The following PCK1 variants were observed in gnomAD, a reference collection of about 807,000 sequenced individuals.
PCK1 encodes the protein phosphoenolpyruvate carboxykinase 1, also known as phosphoenolpyruvate carboxykinase, cytosolic [GTP].
PCK1 carries 44 observed loss-of-function variants against 50.3 expected under a neutral mutation model. That is an observed-to-expected ratio of 0.87 (90% CI 0.69 to 1.12). The LOEUF is 1.12. Among genes scored for constraint, PCK1 ranks in the 50% most tolerant of loss-of-function variants. The pLI is 0.00. For missense variants in PCK1, 790 were observed against 815.0 expected (o/e 0.97, Z 0.37); for synonymous variants, 332 against 314.3 (o/e 1.06, Z -0.59).
At position 57,564,564 on chromosome 20, in the gene PCK1, G is replaced by C. The variant is rs773063581; in HGVS notation, c.1269G>C (p.Pro423=). 1 of 1,613,030 alleles carries C rather than the reference G, an allele frequency of 6.2e-7. No individual in the cohort carries two copies. Among genetic ancestry groups the C allele is most frequent in the Admixed American group, 1.7e-5 (1 of 59,968 alleles). The part of the protein sequence containing the change: ...CPIIDAAWES[P]EGVPIEGIIF... ...TCATTGATGCTGCCTGGGAGTCTCC[G>C]GAAGGTGTTCCCATTGAAGGCATTA... Residue 423 remains proline (P), a synonymous_variant, in exon 8 of 10, where the codon CCG becomes CCC. Coordinates refer to ENST00000319441, the MANE Select transcript of PCK1 (RefSeq NM_002591.4).
In PCK1 at chr20:57,567,247, C is replaced by T. The variant is rs575648098; in HGVS notation, c.*1443C>T. On this transcript the variant is annotated 3_prime_UTR_variant, in exon 10 of 10. Coordinates refer to ENST00000319441, the MANE Select transcript of PCK1 (RefSeq NM_002591.4). ...GTTCTTATGTCACACTCCACCCCTC[C>T]AGTCTCCTCAACTGGAAAACTTGCC... 6.6e-6 allele frequency: 1 copy of T among 152,348 alleles called. No homozygotes were observed. Among genetic ancestry groups the T allele is most frequent in the Middle Eastern group, 3.4e-3 (1 of 294 alleles). 9.4% of individuals were successfully genotyped at this position (152,348 alleles called of 1,614,324 possible).
At chr20:57,563,826 T>C (rs2070176948) in intron 6 of PCK1, 99 bp downstream of exon 6, 1 of 1,013,040 alleles carries the variant, frequency 9.9e-7, no homozygotes, top group Admixed American at 2.4e-5. Flanking sequence ...GTTTGGATTT[T>C]TAAACTCTGT....
In PCK1 at chr20:57,562,844, C is replaced by A. The variant is rs1285442437; in HGVS notation, c.555C>A (p.Gly185=). The A allele has an allele frequency of 6.2e-7, 1 of 1,613,712 alleles. No homozygotes were observed. The highest frequency in any genetic ancestry group is 2.2e-5 in the East Asian group (1 of 44,890). ...RMGTPVLEAV[G]DGEFVKCLHS... is the part of the protein sequence containing the mutation. ...GCACGCCCGTCCTGGAAGCAGTGGG[C>A]GATGGGGAGTTTGTCAAATGCCTCC... Residue 185 remains glycine (G), a synonymous_variant, in exon 4 of 10, where the codon GGC becomes GGA. Transcript: ENST00000319441.
intron 3 of PCK1, 90 bp downstream of exon 3, chr20:57,562,342 A>G: frequency 1.8e-6 from 2 of 1,102,376 alleles, no homozygotes; most frequent in Non-Finnish European, 2.6e-6. Flanking sequence ...CAATAATGGA[A>G]GCTCCCACCA....
In PCK1 at chr20:57,562,095, G is replaced by A; in HGVS notation, c.249G>A (p.Arg83=). 1.2e-6 allele frequency: 2 copies of A among 1,614,184 alleles called. No individual in the cohort carries two copies. The highest frequency in any genetic ancestry group is 1.7e-6 in the Non-Finnish European group (2 of 1,180,034). ...DNCWLALTDP[R]DVARIESKTV... ...GCTGGTTGGCTCTCACTGACCCCAG[G>A]GATGTGGCCAGGATCGAAAGCAAGA... Residue 83 remains arginine, a synonymous_variant, in exon 3 of 10, where the codon AGG becomes AGA. Coordinates refer to ENST00000319441, the MANE Select transcript of PCK1 (RefSeq NM_002591.4).
Position 57,566,748 on chromosome 20 carries a change from G to A in PCK1, c.*944G>A, listed in dbSNP as rs2070208446. On this transcript the variant is annotated 3_prime_UTR_variant, in exon 10 of 10. Coordinates refer to ENST00000319441, the MANE Select transcript of PCK1 (RefSeq NM_002591.4). ...TGAGGCTTATGTGGCAGGACTGGGA[G>A]GGTTTAATGCATGCTTTTTGACAGT... is the stretch of plus-strand genomic sequence containing the variant. The A allele has an allele frequency of 1.3e-5, 2 of 152,206 alleles. No homozygotes were observed. The highest frequency in any genetic ancestry group is 4.1e-4 in the South Asian group (2 of 4,828). The allele number at this position is 152,206 out of a possible 1,614,324, so 9.4% of individuals were successfully genotyped here. A position where few individuals can be genotyped will look rare whatever the true frequency, so the allele number is the denominator to read the frequency against.
intron 3 of PCK1, 35 bp downstream of exon 3, chr20:57,562,287 CA>C (rs1200613329): frequency 1.3e-6 from 2 of 1,559,638 alleles, no homozygotes; most frequent in Admixed American, 3.4e-5. Flanking sequence ...GGTAAAACAG[CA>C]GAGAGCCTTT....
chr20:57,563,125 CG>C lies in PCK1; in HGVS notation c.711del (p.Asn238ThrfsTer29). The C allele has an allele frequency of 6.2e-7, 1 of 1,613,894 alleles. No homozygotes were observed. Among genetic ancestry groups the C allele is most frequent in the Non-Finnish European group, 8.5e-7 (1 of 1,180,000 alleles). Reference protein sequence around the residue: ...EIISFGSGYGGNSLLGKKCFA... With the variant: ...EIISFGSGYGXNSLLGKKCFA... ...TCATCTCCTTTGGCAGTGGGTACGG[CG>C]GGAACTCGCTGCTCGGGAAGAAGTG... On this transcript the variant is annotated frameshift_variant, in exon 5 of 10. Transcript: ENST00000319441. LOFTEE classifies it high-confidence loss of function.
rs574426927 is a variant in PCK1, at chr20:57,564,213, G to A, written c.1006G>A (p.Ala336Thr). Residue 336 changes from alanine (A) to threonine (T), a missense_variant, in exon 7 of 10, where the codon GCT (alanine) becomes ACT (threonine). Coordinates refer to ENST00000319441, the MANE Select transcript of PCK1 (RefSeq NM_002591.4). ...CCCAGAAAATGGCTTTTTCGGTGTC[G>A]CTCCTGGGACTTCAGTGAAGACCAA... Reference protein sequence around the residue: ...INPENGFFGVAPGTSVKTNPN... With the variant: ...INPENGFFGVTPGTSVKTNPN... 1.1e-5 allele frequency: 17 copies of A among 1,613,658 alleles called. No individual in the cohort carries two copies. In the South Asian group the frequency reaches 1.1e-4, roughly 10 times the overall value.
In PCK1 at chr20:57,563,588, G is replaced by A. The variant is rs1239857288; in HGVS notation, c.822G>A (p.Glu274=). ...HMLILGITNP[E]GEKKYLAAAF... is the part of the protein sequence containing the mutation. ...AGATTCTGGGTATAACCAACCCTGA[G>A]GGTGAGAAGAAGTACCTGGCGGCCG... The change falls in exon 6 of 10, where the codon GAG becomes GAA. Residue 274 remains glutamate, a synonymous_variant. Transcript: ENST00000319441. 6.2e-7 allele frequency: 1 copy of A among 1,610,774 alleles called. No individual in the cohort carries two copies. Among genetic ancestry groups the A allele is most frequent in the African/African-American group, 1.3e-5 (1 of 74,904 alleles).
rs990720064 is a variant in PCK1 at position 57,566,092 on chromosome 20, G to GT, written c.*294dup. 2 of 364,284 alleles carry GT rather than the reference G, an allele frequency of 5.5e-6. No homozygotes were observed. The highest frequency in any genetic ancestry group is 5.2e-5 in the East Asian group (1 of 19,172). The allele number at this position is 364,284 out of a possible 1,614,324, so 22.6% of individuals were successfully genotyped here. On this transcript the variant is annotated 3_prime_UTR_variant, in exon 10 of 10. Transcript: ENST00000319441. Reference sequence around the variant, plus strand: ...TTACTCAGGCATTGATCTTTTCAGTGTTTTTTCACTTTAGCTATGTGGATT... The same window carrying GT: ...TTACTCAGGCATTGATCTTTTCAGTGTTTTTTTCACTTTAGCTATGTGGATT...
rs773381529 is a variant in PCK1, at chr20:57,565,560, A to G, written c.1625A>G (p.Asn542Ser). The G allele has an allele frequency of 3.1e-6, 5 of 1,614,156 alleles. No individual in the cohort carries two copies. Among genetic ancestry groups the G allele is most frequent in the Admixed American group, 3.3e-5 (2 of 60,022 alleles). The change falls in exon 10 of 10, where the codon AAC (asparagine) becomes AGC (serine). Residue 542 changes from asparagine (N) to serine (S), a missense_variant. Asn to Ser is a conservative substitution (Grantham distance 46). Coordinates refer to ENST00000319441, the MANE Select transcript of PCK1 (RefSeq NM_002591.4). ...ENSRVLEWMF[N>S]RIDGKASTKL... Reference sequence around the variant, plus strand: ...TCCAGGGTGCTGGAGTGGATGTTCAACCGGATCGATGGAAAAGCCAGCACC... The same window carrying G: ...TCCAGGGTGCTGGAGTGGATGTTCAGCCGGATCGATGGAAAAGCCAGCACC...
rs767446122 is a variant in PCK1, at chr20:57,565,447, A to T, written c.1512A>T (p.Pro504=). 39 of 1,614,192 alleles carry T rather than the reference A, an allele frequency of 2.4e-5. No homozygotes were observed. Among genetic ancestry groups the T allele is most frequent in the Non-Finnish European group, 2.7e-5 (32 of 1,180,010 alleles). The change falls in exon 10 of 10, where the codon CCA becomes CCT. Residue 504 remains proline, a synonymous_variant. Coordinates refer to ENST00000319441, the MANE Select transcript of PCK1 (RefSeq NM_002591.4). ...ACTGGCTTAGCATGGCCCAGCACCCAGCAGCCAAACTGCCCAAGATCTTCC... is the reference window on the plus strand; with the variant it reads ...ACTGGCTTAGCATGGCCCAGCACCCTGCAGCCAAACTGCCCAAGATCTTCC... ...LAHWLSMAQH[P]AAKLPKIFHV...
rs2070180709 is a variant in PCK1, at chr20:57,564,262, A to T, written c.1055A>T (p.Gln352Leu). Residue 352 changes from glutamine (Q) to leucine (L), a missense_variant, in exon 7 of 10, where the codon CAG becomes CTG. By Grantham distance (113) the Gln-to-Leu change is moderately radical. Coordinates refer to ENST00000319441, the MANE Select transcript of PCK1 (RefSeq NM_002591.4). ...KTNPNAIKTIQKNTIFTNVAE... is the reference protein window; with the variant it reads ...KTNPNAIKTILKNTIFTNVAE... ...AACCCCAATGCCATCAAGACCATCC[A>T]GAAGAACACAATCTTTACCAATGTG... 1 of 1,614,032 alleles carries T rather than the reference A, an allele frequency of 6.2e-7. No individual in the cohort carries two copies. The highest frequency in any genetic ancestry group is 1.3e-5 in the African/African-American group (1 of 74,904).
chr20:57,562,587 G>A (rs2146527225), intron 3 of PCK1, 109 bp from the exon 4 acceptor site: 1 of 846,784 alleles, frequency 1.2e-6, no homozygotes, highest in African/African-American at 1.7e-5. Context: ...GCAGGGTGTG[G>A]TGGTGTTAGT....
In PCK1 at chr20:57,562,826, C is replaced by G. The variant is rs767045677; in HGVS notation, c.537C>G (p.Pro179=). The change falls in exon 4 of 10, where the codon CCC becomes CCG. Residue 179 remains proline (P), a synonymous_variant. Transcript: ENST00000319441. ...SMRIMTRMGT[P]VLEAVGDGEF... is the part of the protein sequence containing the mutation. ...GGATCATGACGCGGATGGGCACGCC[C>G]GTCCTGGAAGCAGTGGGCGATGGGG... The G allele has an allele frequency of 6.2e-7, 1 of 1,613,914 alleles. No individual in the cohort carries two copies. Among genetic ancestry groups the G allele is most frequent in the Non-Finnish European group, 8.5e-7 (1 of 1,179,848 alleles).
intron 2 of PCK1, 33 bp downstream of exon 2, chr20:57,561,668 C>T (rs1175824704): frequency 3.6e-5 from 52 of 1,460,678 alleles, no homozygotes; most frequent in Non-Finnish European, 5.0e-5. Flanking sequence ...GTCCCAGCAC[C>T]CTGCAGGCAG....
rs763513290 is a variant in PCK1, at chr20:57,565,382, C to A, written c.1447C>A (p.Arg483=). 2.5e-6 allele frequency: 4 copies of A among 1,614,032 alleles called. No individual in the cohort carries two copies. In the South Asian group the frequency reaches 3.3e-5, roughly 13 times the overall value. ...KIIMHDPFAM[R]PFFGYNFGKY... is the part of the protein sequence containing the mutation. ...CATCATGCATGACCCCTTTGCCATG[C>A]GGCCCTTCTTTGGCTACAACTTCGG... is the stretch of plus-strand genomic sequence containing the variant. The change falls in exon 10 of 10, where the codon CGG becomes AGG. Residue 483 remains arginine (R), a synonymous_variant. Coordinates refer to ENST00000319441, the MANE Select transcript of PCK1 (RefSeq NM_002591.4).
chr20:57,565,207 C>G, intron 9 of PCK1, 72 bp downstream of exon 9: 7 of 1,341,678 alleles, frequency 5.2e-6, no homozygotes, highest in Non-Finnish European at 7.5e-6. Context: ...TTATGTCTCT[C>G]TCCTTTTCTG....
Sources: allele counts gnomAD v4.1 joint callset, GRCh38; gene constraint gnomAD v4.1.1; transcripts MANE v1.5; gene names NCBI Gene and HGNC (gene_info 2026-07-23, HGNC 2026-07-21).